The following JAKMIP3 variants were observed in gnomAD, a reference collection of about 807,000 sequenced individuals.
The protein encoded by JAKMIP3 is Janus kinase and microtubule interacting protein 3, also known as janus kinase and microtubule-interacting protein 3.
JAKMIP3 carries 58 observed loss-of-function variants against 118.5 expected under a neutral mutation model. The ratio of observed to expected loss-of-function variants is 0.49; its 90% CI spans 0.40 to 0.61. The LOEUF (loss-of-function observed/expected upper bound fraction) is 0.61. Among genes scored for constraint, JAKMIP3 ranks in the 20% least tolerant of loss-of-function variants. The pLI is 0.00. For synonymous variants in JAKMIP3, 486 were observed against 451.2 expected (o/e 1.08, Z -0.98); for missense variants, 950 against 1,109.0 (o/e 0.86, Z 2.04).
At chr10:132,102,097 T>A (rs11146171) in intron 1 of JAKMIP3, among the ~76,000 whole-genome samples, 35,495 of 151,992 alleles carry the variant, frequency 0.23, 4,857 homozygotes, top group African/African-American at 0.39. Context: ...CAGAACCTCC[T>A]GTCCCATCTC....
chr10:132,134,626 C>T (rs1460209184), intron 4 of JAKMIP3, among the ~76,000 whole-genome samples: 2 of 152,194 alleles, frequency 1.3e-5, no homozygotes, highest in Non-Finnish European at 2.9e-5. Context: ...GGGGCGCGCA[C>T]CCTCCTGAAG....
At chr10:132,056,618 G>A (rs1175868765) in intron 1 of JAKMIP3, among the ~76,000 whole-genome samples, 1 of 152,208 alleles carries the variant, frequency 6.6e-6, no homozygotes, top group Non-Finnish European at 1.5e-5. Flanking sequence ...TGTGCGCTGG[G>A]TTGAAAGCGA....
Position 132,168,377 on chromosome 10 carries a change from A to G in JAKMIP3, c.*447A>G, listed in dbSNP as rs767253457. The G allele has an allele frequency of 1.0e-5, 13 of 1,289,530 alleles. No homozygotes were observed. Among genetic ancestry groups the G allele is most frequent in the Middle Eastern group, 2.1e-4 (1 of 4,696 alleles). The allele number at this position is 1,289,530 out of a possible 1,614,324, so 79.9% of individuals were successfully genotyped here. On this transcript the variant is annotated 3_prime_UTR_variant, in exon 23 of 24. Coordinates refer to ENST00000684848, the MANE Select transcript of JAKMIP3 (RefSeq NM_001323087.2). ...GTCTGGAGGAAGATTTTCAGAAACAACAGAGGCTTGGCCTGATGACAAGAT... is the reference window on the plus strand; with the variant it reads ...GTCTGGAGGAAGATTTTCAGAAACAGCAGAGGCTTGGCCTGATGACAAGAT...
chr10:132,068,221 T>G (rs2039237002), intron 1 of JAKMIP3, among the ~76,000 whole-genome samples: 2 of 149,772 alleles, frequency 1.3e-5, no homozygotes, highest in African/African-American at 4.9e-5. Flanking sequence ...CCGTGTGCAC[T>G]GTGGCTTCCG....
chr10:132,167,822 GCCCTCAC>G (rs1165417606), intron 22 of JAKMIP3, 124 bp from the exon 23 acceptor site: 611 of 398,788 alleles, frequency 1.5e-3, no homozygotes, highest in Non-Finnish European at 2.0e-3. Flanking sequence ...TCACCCCTCG[GCCCTCAC>G]CCCTCGGCCC....
In JAKMIP3 at chr10:132,180,564, TGTGC is replaced by T. The variant is rs1565018469; in HGVS notation, c.*1104-1789_*1104-1786del. Among the ~76,000 whole-genome samples the T allele has an allele frequency of 3.0e-4, 15 of 50,762 alleles. 1 individual carries two copies. Among genetic ancestry groups the T allele is most frequent in the East Asian group, 3.3e-3 (2 of 602 alleles). The allele number at this position is 50,762 out of a possible 152,430, so 33.3% of individuals were successfully genotyped here. ...GTGTGTGCGTGCGTGCATGCGTGTGTGTGCGTGTGTGTGTGCGTGCGCGTGTGTG... is the reference window on the plus strand; with the variant it reads ...GTGTGTGCGTGCGTGCATGCGTGTGTGTGTGTGTGTGCGTGCGCGTGTGTG... On this transcript the variant is annotated intron_variant, in intron 23 of 23. Coordinates refer to ENST00000684848, the MANE Select transcript of JAKMIP3 (RefSeq NM_001323087.2).
chr10:132,169,468 C>T (rs1054529103), intron 23 of JAKMIP3, among the ~76,000 whole-genome samples: 1 of 152,238 alleles, frequency 6.6e-6, no homozygotes, highest in African/African-American at 2.4e-5. Flanking sequence ...ACTCTGGGTG[C>T]TCCCAGCAGG....
intron 23 of JAKMIP3, chr10:132,170,102 G>A (rs936621634): frequency 6.6e-6 from 1 of 152,244 alleles, no homozygotes; most frequent in African/African-American, 2.4e-5. Flanking sequence ...CCTGTCCAAG[G>A]ACGCCCGCTG....
In JAKMIP3 at chr10:132,138,190, C is replaced by A; in HGVS notation, c.1344+12C>A. On this transcript the variant is annotated intron_variant, in intron 9 of 23. Transcript: ENST00000684848. ...CAAAACTTCCCAAGGTAAGGAACAG[C>A]ACACCGGCACGTGCGGAGAGTACGC... 1 of 1,605,180 alleles carries A rather than the reference C, an allele frequency of 6.2e-7. No homozygotes were observed. The highest frequency in any genetic ancestry group is 2.2e-5 in the East Asian group (1 of 44,586).
At position 132,038,790 on chromosome 10, in the gene JAKMIP3, CAAAAA is replaced by C. The variant is rs58917363; in HGVS notation, c.-138+2068_-138+2072del. ...CCTGGGCAACAGAATGAGACTGTCT[CAAAAA>C]AAAAAAAAAAAAAAACCATCATAAA... On this transcript the variant is annotated intron_variant, in intron 1 of 23. Coordinates refer to the JAKMIP3 transcript ENST00000657785. 3.0e-3 allele frequency among the ~76,000 whole-genome samples: 376 copies of C among 124,718 alleles called. 1 individual carries two copies. Among genetic ancestry groups the C allele is most frequent in the African/African-American group, 8.8e-3 (296 of 33,772 alleles). 81.8% of individuals were successfully genotyped at this position (124,718 alleles called of 152,430 possible). A position where few individuals can be genotyped will look rare whatever the true frequency, so the allele number is the denominator to read the frequency against.
rs1348379971 is a variant in JAKMIP3, at chr10:132,117,722, C to T, written c.633+148C>T. On this transcript the variant is annotated intron_variant, in intron 3 of 23. Coordinates refer to ENST00000684848, the MANE Select transcript of JAKMIP3 (RefSeq NM_001323087.2). The surrounding 1 kb of genome is among the most constrained non-coding windows in gnomAD (Gnocchi z 8.6). ...TTCACCCCCCATGACATTCTTAGCA[C>T]AGGCTCCTCATGCCACCCCTGTTGG... The T allele has an allele frequency of 8.9e-6, 9 of 1,007,068 alleles. No homozygotes were observed. In the African/African-American group the frequency reaches 9.9e-5, roughly 11 times the overall value. 62.4% of individuals were successfully genotyped at this position (1,007,068 alleles called of 1,614,324 possible).
chr10:132,127,392 T>TTGTGTGTGTGTGTG (rs145559558), intron 3 of JAKMIP3, among the ~76,000 whole-genome samples: 25 of 146,970 alleles, frequency 1.7e-4, no homozygotes, highest in African/African-American at 5.8e-4. Flanking sequence ...CTGGCTAATT[T>TTGTGTGTGTGTGTG]TGTGTGTGTG....
chr10:132,063,713 C>T (rs1388335127), upstream of JAKMIP3, among the ~76,000 whole-genome samples: 3 of 152,176 alleles, frequency 2.0e-5, no homozygotes, highest in African/African-American at 7.2e-5. Flanking sequence ...AGCACATACA[C>T]GCATGTGCAT....
chr10:132,094,860 G>T (rs1262334424), intron 1 of JAKMIP3, among the ~76,000 whole-genome samples: 1 of 152,098 alleles, frequency 6.6e-6, no homozygotes, highest in Non-Finnish European at 1.5e-5. Flanking sequence ...AGGTGGGGGC[G>T]GGGCCAGTGT....
At chr10:132,177,307 G>A (rs781110745) in intron 23 of JAKMIP3, among the ~76,000 whole-genome samples, 41 of 152,352 alleles carry the variant, frequency 2.7e-4, no homozygotes, top group South Asian at 4.1e-4. Flanking sequence ...AACAGCTGCC[G>A]CCACCAGATA....
chr10:132,120,241 G>A (rs751728238), intron 3 of JAKMIP3, among the ~76,000 whole-genome samples: 12 of 152,314 alleles, frequency 7.9e-5, no homozygotes, highest in Non-Finnish European at 1.6e-4. Flanking sequence ...TCAGTGGGAA[G>A]ACCAGTGTTG....
intron 3 of JAKMIP3, among the ~76,000 whole-genome samples, chr10:132,127,776 G>A (rs1027784989): frequency 6.6e-6 from 1 of 151,190 alleles, no homozygotes. Flanking sequence ...CTCCTTTTTT[G>A]TCAACATTTA....
chr10:132,139,502 GTA>G (rs2053001449), intron 9 of JAKMIP3, among the ~76,000 whole-genome samples: 2 of 129,582 alleles, frequency 1.5e-5, no homozygotes, highest in Admixed American at 7.5e-5. Context: ...ATGTGAGTGT[GTA>G]TGTGTGAGTG....
chr10:132,071,895 T>TCC lies in JAKMIP3; in HGVS notation c.-138+5834_-138+5835insCC, dbSNP rs1373508112. 2.3e-4 allele frequency among the ~76,000 whole-genome samples: 17 copies of TCC among 74,220 alleles called. No individual in the cohort carries two copies. The East Asian group carries it at 0.01, about 45-fold the overall frequency. The allele number at this position is 74,220 out of a possible 152,430, so 48.7% of individuals were successfully genotyped here. On this transcript the variant is annotated intron_variant, in intron 1 of 23. Transcript: ENST00000684848. ...TCTTTCCTTCCTTTCTTTCTTTCCT[T>TCC]TCTTTCTTCCCTTCCTTCCTTCCTT...
Sources: allele counts gnomAD v4.1 joint callset (sites outside exome capture counted in the v4.1 genomes callset), GRCh38; gene constraint gnomAD v4.1.1; non-coding constraint Gnocchi (gnomAD v3.1); transcripts MANE v1.5; gene names NCBI Gene and HGNC (gene_info 2026-07-23, HGNC 2026-07-21).